The following ANKRD11 variants were observed in gnomAD, a reference collection of about 807,000 sequenced individuals.
ANKRD11 encodes the protein ankyrin repeat domain-containing protein 11.
ANKRD11 carries 17 observed loss-of-function variants against 195.7 expected under a neutral mutation model. The ratio of observed to expected loss-of-function variants is 0.09; its 90% CI spans 0.06 to 0.13. ANKRD11 has a LOEUF of 0.13. ANKRD11 is among the 10% of genes least tolerant of loss of function. ANKRD11 has a pLI of 1.00. For missense variants in ANKRD11, 3,735 were observed against 3,566.1 expected, an observed-to-expected ratio of 1.05 and a Z score of -1.21; for synonymous variants, 1,953 against 1,528.1, an observed-to-expected ratio of 1.28 and a Z score of -6.49.
intron 2 of ANKRD11, among the ~76,000 whole-genome samples, chr16:89,344,366 T>A (rs566563827): frequency 6.6e-6 from 1 of 152,314 alleles, no homozygotes; most frequent in East Asian, 1.9e-4. Flanking sequence ...ACCTCCTTGC[T>A]ATGAATGCCT....
At position 89,432,944 on chromosome 16, in the gene ANKRD11, AT is replaced by A. The variant is rs2043048328; in HGVS notation, c.-144-14577del. On this transcript the variant is annotated intron_variant, in intron 1 of 12. Transcript: ENST00000301030. ...TCCAGCCATGGGTGACAGAGACCCTATCTCTCTCTCTCTCTCTCTCTCTCTC... is the reference window on the plus strand; with the variant it reads ...TCCAGCCATGGGTGACAGAGACCCTACTCTCTCTCTCTCTCTCTCTCTCTC... Among the ~76,000 whole-genome samples, 8 of 108,732 alleles carry A rather than the reference AT, an allele frequency of 7.4e-5. No individual in the cohort carries two copies. In the South Asian group the frequency reaches 1.0e-3, roughly 14 times the overall value. 71.3% of individuals were successfully genotyped at this position (108,732 alleles called of 152,430 possible). A position where few individuals can be genotyped will look rare whatever the true frequency, so the allele number is the denominator to read the frequency against.
chr16:89,402,361 G>T (rs908588627), intron 2 of ANKRD11, among the ~76,000 whole-genome samples: 2 of 152,146 alleles, frequency 1.3e-5, no homozygotes, highest in African/African-American at 4.8e-5. Flanking sequence ...TAAGGTATCT[G>T]GGATTGAGCG....
intron 2 of ANKRD11, among the ~76,000 whole-genome samples, chr16:89,342,535 C>T (rs1422471063): frequency 6.6e-6 from 1 of 152,238 alleles, no homozygotes; most frequent in Non-Finnish European, 1.5e-5. Context: ...CTGCGTGGCT[C>T]TCTCCTAGCA....
At chr16:89,396,568 A>T (rs2152140292) in intron 2 of ANKRD11, among the ~76,000 whole-genome samples, 1 of 152,266 alleles carries the variant, frequency 6.6e-6, no homozygotes, top group Non-Finnish European at 1.5e-5. Flanking sequence ...AACTAGAACA[A>T]CATATTTACC....
At chr16:89,302,286 C>T (rs1259215205) in intron 4 of ANKRD11, among the ~76,000 whole-genome samples, 1 of 152,172 alleles carries the variant, frequency 6.6e-6, no homozygotes, top group African/African-American at 2.4e-5. Flanking sequence ...CGGAGTCTTG[C>T]TCTGTTGCCA....
chr16:89,428,424 G>A (rs932735679), intron 1 of ANKRD11, among the ~76,000 whole-genome samples: 6 of 152,034 alleles, frequency 3.9e-5, no homozygotes, highest in Admixed American at 3.9e-4. Context: ...TGCTGGGGAA[G>A]CTGAGGCAGG....
Position 89,322,056 on chromosome 16 carries a change from G to A in ANKRD11, c.-59-4978C>T, listed in dbSNP as rs191303343. Among the ~76,000 whole-genome samples the A allele has an allele frequency of 3.3e-5, 5 of 152,342 alleles. No individual in the cohort carries two copies. The East Asian group carries it at 7.7e-4, about 23-fold the overall frequency. On this transcript the variant is annotated intron_variant, in intron 2 of 12. Transcript: ENST00000301030. ...ATAACATACAAAATGTGTGTGACTG[G>A]CTTTATGTGGTCAGGAAGGCTCTGG...
At chr16:89,288,716 T>C (rs2034824440) in intron 6 of ANKRD11, 46 bp from the exon 7 acceptor site, 2 of 1,613,218 alleles carry the variant, frequency 1.2e-6, no homozygotes. Context: ...CCTCAGAACT[T>C]CCCTCCTGTC....
At chr16:89,271,317 AGC>A (rs1390179161) in intron 11 of ANKRD11, 1 of 299,238 alleles carries the variant, frequency 3.3e-6, no homozygotes, top group African/African-American at 2.2e-5. Context: ...GGCTCACCGC[AGC>A]CTCCACCTCC....
chr16:89,311,691 C>A (rs1396871134), intron 3 of ANKRD11, among the ~76,000 whole-genome samples: 1 of 152,150 alleles, frequency 6.6e-6, no homozygotes, highest in Non-Finnish European at 1.5e-5. Flanking sequence ...AAAGAGAGCA[C>A]GAGTTCTAGA....
At chr16:89,290,568 G>T in intron 6 of ANKRD11, 57 bp downstream of exon 6, 19 of 1,588,524 alleles carry the variant, frequency 1.2e-5, no homozygotes, top group Non-Finnish European at 1.5e-5. Flanking sequence ...ACTCCACTGG[G>T]GGAGGCTCAG....
At chr16:89,376,708 G>A (rs2040437921) in intron 2 of ANKRD11, among the ~76,000 whole-genome samples, 1 of 152,172 alleles carries the variant, frequency 6.6e-6, no homozygotes, top group Admixed American at 6.5e-5. Flanking sequence ...CTAAGTGCTG[G>A]GATTACAGGC....
At chr16:89,453,000 G>A (rs992831755) in intron 1 of ANKRD11, among the ~76,000 whole-genome samples, 6 of 152,140 alleles carry the variant, frequency 3.9e-5, no homozygotes, top group African/African-American at 1.2e-4. Flanking sequence ...TGCCCAGGCT[G>A]GTGTCAAACT....
In ANKRD11 at chr16:89,279,924, C is replaced by A. The variant is rs774615667; in HGVS notation, c.6618G>T (p.Glu2206Asp). 1.9e-6 allele frequency: 3 copies of A among 1,610,106 alleles called. No individual in the cohort carries two copies. The highest frequency in any genetic ancestry group is 1.3e-5 in the African/African-American group (1 of 75,032). The change falls in exon 9 of 13, where the codon GAG (glutamate) becomes GAT (aspartate). Residue 2206 changes from glutamate to aspartate, a missense_variant. Physicochemically the swap from Glu to Asp is conservative, Grantham distance 45. Coordinates refer to ENST00000301030, the MANE Select transcript of ANKRD11 (RefSeq NM_013275.6). The surrounding 1 kb of genome is among the most constrained non-coding windows in gnomAD (Gnocchi z 5.6). Reference protein sequence around the residue: ...STRLPAELEPEPSGEPKLDVA... With the variant: ...STRLPAELEPDPSGEPKLDVA... ...CGTCCAGCTTTGGCTCCCCTGAGGG[C>A]TCAGGCTCGAGCTCTGCAGGGAGCC...
At chr16:89,476,215 T>A (rs2057253040) in intron 1 of ANKRD11, among the ~76,000 whole-genome samples, 1 of 152,118 alleles carries the variant, frequency 6.6e-6, no homozygotes, top group African/African-American at 2.4e-5. Context: ...TCTCAAAAGA[T>A]GAAATCAAAT....
chr16:89,363,836 G>C (rs958491134), intron 2 of ANKRD11, among the ~76,000 whole-genome samples: 12 of 152,090 alleles, frequency 7.9e-5, no homozygotes, highest in Non-Finnish European at 1.5e-4. Context: ...AAGGAGGACT[G>C]ACTGAGGCAA....
At position 89,283,190 on chromosome 16, in the gene ANKRD11, T is replaced by C; in HGVS notation, c.3352A>G (p.Ile1118Val). ...TCGTCCTCACTCTCATCTGTGAAGA[T>C]GTCTGCGATGTACCAGCTTTTCTCT... is the stretch of plus-strand genomic sequence containing the variant. ...GKEKSWYIAD[I>V]FTDESEDDRD... is the part of the protein sequence containing the mutation. The change falls in exon 9 of 13, where the codon ATC becomes GTC. Residue 1118 changes from isoleucine to valine, a missense_variant. By Grantham distance (29) the Ile-to-Val change is conservative (BLOSUM62 3). Coordinates refer to ENST00000301030, the MANE Select transcript of ANKRD11 (RefSeq NM_013275.6). This position sits in a 1 kb window ranked among gnomAD's most constrained non-coding sequence, Gnocchi z 4.3. 1.2e-6 allele frequency: 2 copies of C among 1,614,162 alleles called. No individual in the cohort carries two copies. Among genetic ancestry groups the C allele is most frequent in the Non-Finnish European group, 1.7e-6 (2 of 1,180,040 alleles).
intron 2 of ANKRD11, among the ~76,000 whole-genome samples, chr16:89,384,797 A>G (rs976191451): frequency 2.0e-5 from 3 of 151,458 alleles, no homozygotes; most frequent in African/African-American, 7.3e-5. Flanking sequence ...CCCACTAGAC[A>G]GCCCAACAAC....
intron 2 of ANKRD11, among the ~76,000 whole-genome samples, chr16:89,384,879 C>CTTTGTTTTTTTTTTTTTTTTTTTT (rs2040832957): frequency 2.0e-5 from 1 of 49,910 alleles, no homozygotes; most frequent in Non-Finnish European, 3.5e-5. Flanking sequence ...AAATAGTTTT[C>CTTTGTTTTTTTTTTTTTTTTTTTT]TTTTTTTTTT....
Sources: allele counts gnomAD v4.1 joint callset (sites outside exome capture counted in the v4.1 genomes callset), GRCh38; gene constraint gnomAD v4.1.1; non-coding constraint Gnocchi (gnomAD v3.1); transcripts MANE v1.5; gene names NCBI Gene and HGNC (gene_info 2026-07-23, HGNC 2026-07-21).